The following DOK6 variants were observed in gnomAD, a reference collection of about 807,000 sequenced individuals.
DOK6 encodes docking protein 6.
A neutral mutation model predicts 44.0 loss-of-function variants in DOK6; 22 were observed. The ratio of observed to expected loss-of-function variants is 0.50; its 90% CI spans 0.36 to 0.71. The LOEUF (loss-of-function observed/expected upper bound fraction) is 0.71, where lower values mean the gene tolerates loss of function less well. DOK6 is among the 30% of genes least tolerant of loss of function. DOK6 has a pLI of 0.00. For synonymous variants in DOK6, 166 were observed against 145.5 expected, an observed-to-expected ratio of 1.14 and a Z score of -1.01; for missense variants, 340 against 416.4, an observed-to-expected ratio of 0.82 and a Z score of 1.60.
At chr18:69,500,563 C>T (rs1324451233) in intron 1 of DOK6, among the ~76,000 whole-genome samples, 1 of 152,134 alleles carries the variant, frequency 6.6e-6, no homozygotes, top group East Asian at 1.9e-4. Flanking sequence ...CCTGTAGCCC[C>T]AGCACCTGAC....
At chr18:69,594,265 T>C (rs985782958) in intron 2 of DOK6, among the ~76,000 whole-genome samples, 11 of 151,844 alleles carry the variant, frequency 7.2e-5, no homozygotes, top group African/African-American at 2.7e-4. Context: ...TACACATACA[T>C]GTACACACAT....
At chr18:69,607,041 AT>A (rs955682293) in intron 3 of DOK6, among the ~76,000 whole-genome samples, 4 of 151,892 alleles carry the variant, frequency 2.6e-5, no homozygotes, top group East Asian at 3.9e-4. Flanking sequence ...AGATACAATA[AT>A]TTTTTTTTCC....
chr18:69,700,040 A>C (rs904606641), intron 5 of DOK6, among the ~76,000 whole-genome samples: 9 of 151,852 alleles, frequency 5.9e-5, no homozygotes, highest in Admixed American at 2.0e-4. Flanking sequence ...AAAACATCAG[A>C]TCTCGTGAGA....
chr18:69,681,539 C>T (rs954044219), intron 4 of DOK6, among the ~76,000 whole-genome samples: 6 of 151,388 alleles, frequency 4.0e-5, no homozygotes, highest in Non-Finnish European at 2.9e-5. Flanking sequence ...TTCACATGCA[C>T]ATGTGCATAA....
At chr18:69,652,910 A>C (rs894233969) in intron 3 of DOK6, among the ~76,000 whole-genome samples, 2 of 152,198 alleles carry the variant, frequency 1.3e-5, no homozygotes, top group East Asian at 3.9e-4. Flanking sequence ...AGGACAAACG[A>C]TTATCTGACA....
Position 69,603,138 on chromosome 18 carries a change from A to C in DOK6, c.289+3640A>C, listed in dbSNP as rs79035354. ...CACATGTTCTTTTAGCGAACTGAGC[A>C]CTCCCTTCAGGGTCATTTTAGAATA... On this transcript the variant is annotated intron_variant, in intron 3 of 7. Coordinates refer to ENST00000382713, the MANE Select transcript of DOK6 (RefSeq NM_152721.6). Among the ~76,000 whole-genome samples, 422 of 152,220 alleles carry C rather than the reference A, an allele frequency of 2.8e-3. 10 individuals carry two copies. Among genetic ancestry groups the C allele is most frequent in the Admixed American group, 0.022 (333 of 15,298 alleles).
chr18:69,603,536 C>A (rs1450137421), intron 3 of DOK6, among the ~76,000 whole-genome samples: 1 of 152,176 alleles, frequency 6.6e-6, no homozygotes, highest in Non-Finnish European at 1.5e-5. Flanking sequence ...CTTCGGGAGG[C>A]CGAGGCGGGT....
intron 5 of DOK6, among the ~76,000 whole-genome samples, chr18:69,718,199 CA>C (rs758965659): frequency 2.6e-5 from 4 of 152,084 alleles, no homozygotes; most frequent in Non-Finnish European, 4.4e-5. Context: ...CCTAAGCAAC[CA>C]AAGTAATTTT....
chr18:69,816,832 G>A (rs913915861), intron 7 of DOK6, among the ~76,000 whole-genome samples: 6 of 152,188 alleles, frequency 3.9e-5, no homozygotes, highest in Admixed American at 2.6e-4. Flanking sequence ...CATAGGAGGA[G>A]AAGAGAAGGT....
intron 4 of DOK6, 34 bp from the exon 5 acceptor site, chr18:69,698,370 C>A (rs1986437691): frequency 6.4e-7 from 1 of 1,570,284 alleles, no homozygotes. Context: ...CACCTCTTTT[C>A]ACTTAACCTT....
chr18:69,797,086 T>C (rs1980768268), intron 7 of DOK6, among the ~76,000 whole-genome samples: 1 of 152,126 alleles, frequency 6.6e-6, no homozygotes, highest in South Asian at 2.1e-4. Context: ...TCCTGATAGA[T>C]GAAATTGCCT....
At chr18:69,530,008 C>G (rs1405380397) in intron 1 of DOK6, among the ~76,000 whole-genome samples, 1 of 152,116 alleles carries the variant, frequency 6.6e-6, no homozygotes, top group East Asian at 1.9e-4. Flanking sequence ...TCAAATTAGA[C>G]TTATGGTTCC....
intron 7 of DOK6, among the ~76,000 whole-genome samples, chr18:69,839,774 C>T (rs1248912312): frequency 6.6e-6 from 1 of 152,192 alleles, no homozygotes; most frequent in East Asian, 1.9e-4. Context: ...GCAGAAAGTT[C>T]TGGAAGCTCA....
intron 5 of DOK6, among the ~76,000 whole-genome samples, chr18:69,704,140 G>A (rs145735542): frequency 6.6e-6 from 1 of 152,284 alleles, no homozygotes; most frequent in African/African-American, 2.4e-5. Context: ...ATGGCAGCCT[G>A]CGCTAATACA....
At chr18:69,485,871 A>G (rs937355864) in intron 1 of DOK6, among the ~76,000 whole-genome samples, 6 of 112,362 alleles carry the variant, frequency 5.3e-5, no homozygotes, top group African/African-American at 2.1e-4. Flanking sequence ...TATATATAGT[A>G]TACGTATATA....
At chr18:69,500,228 C>T (rs1981010011) in intron 1 of DOK6, among the ~76,000 whole-genome samples, 3 of 152,158 alleles carry the variant, frequency 2.0e-5, no homozygotes, top group African/African-American at 7.2e-5. Flanking sequence ...CTGACGTTAT[C>T]TTCTAGTATT....
At chr18:69,489,927 TA>T (rs80239525) in intron 1 of DOK6, among the ~76,000 whole-genome samples, 5,971 of 130,950 alleles carry the variant, frequency 0.046, 141 homozygotes, top group Middle Eastern at 0.13. Flanking sequence ...ACAAAAATTC[TA>T]AAAAAAAAAA....
chr18:69,580,017 A>G (rs543013708), intron 2 of DOK6, among the ~76,000 whole-genome samples: 20 of 152,134 alleles, frequency 1.3e-4, no homozygotes, highest in Non-Finnish European at 2.4e-4. Flanking sequence ...TGAATTTTTT[A>G]TGCAGTTCAA....
intron 5 of DOK6, among the ~76,000 whole-genome samples, chr18:69,712,573 G>A (rs905932328): frequency 1.3e-5 from 2 of 152,100 alleles, no homozygotes; most frequent in Admixed American, 1.3e-4. Context: ...GACCTGGCAA[G>A]GTGGCTCATG....
Sources: allele counts gnomAD v4.1 joint callset (sites outside exome capture counted in the v4.1 genomes callset), GRCh38; gene constraint gnomAD v4.1.1; transcripts MANE v1.5; gene names NCBI Gene and HGNC (gene_info 2026-07-23, HGNC 2026-07-21).